Variants in FMNL2 observed in about 807,000 individuals in gnomAD.
The protein encoded by FMNL2 is formin-like protein 2.
Under a neutral mutation model 130.2 loss-of-function variants are expected in FMNL2, and 51 were observed. The observed-to-expected ratio is 0.39, with a 90% CI of 0.31 to 0.49. FMNL2 has a LOEUF of 0.49. FMNL2 is among the 20% of genes least tolerant of loss of function. The pLI, the probability that FMNL2 is intolerant of heterozygous loss-of-function variation, is 0.85. For synonymous variants in FMNL2, 465 were observed against 467.1 expected, an observed-to-expected ratio of 1.00 and a Z score of 0.06; for missense variants, 977 against 1,316.2, an observed-to-expected ratio of 0.74 and a Z score of 3.99.
chr2:152,526,456 C>G (rs1170337301), intron 2 of FMNL2, among the ~76,000 whole-genome samples: 1 of 152,164 alleles, frequency 6.6e-6, no homozygotes, highest in Admixed American at 6.5e-5. Flanking sequence ...AAGTTCCAGG[C>G]TTTGATTCTA....
intron 7 of FMNL2, among the ~76,000 whole-genome samples, chr2:152,577,830 G>A (rs536680202): frequency 2.0e-5 from 3 of 152,168 alleles, no homozygotes; most frequent in Non-Finnish European, 4.4e-5. Flanking sequence ...AGAATGAGCA[G>A]GAAGTGAGGA....
At chr2:152,376,968 C>T (rs1222560467) in intron 1 of FMNL2, among the ~76,000 whole-genome samples, 1 of 152,184 alleles carries the variant, frequency 6.6e-6, no homozygotes, top group African/African-American at 2.4e-5. Context: ...GTGAAGGGTT[C>T]ACCTGGAAGG....
chr2:152,427,090 A>G (rs1170307465), intron 1 of FMNL2, among the ~76,000 whole-genome samples: 1 of 152,030 alleles, frequency 6.6e-6, no homozygotes, highest in African/African-American at 2.4e-5. Flanking sequence ...TGTTTCTCCT[A>G]CTCTGATGTT....
chr2:152,580,825 CTG>C (rs1696738612), intron 8 of FMNL2, 129 bp from the exon 9 acceptor site: 3 of 763,614 alleles, frequency 3.9e-6, no homozygotes, highest in South Asian at 1.8e-5. Context: ...TTTGATTAAA[CTG>C]TACCTTAGTA....
At chr2:152,411,875 T>C (rs1180813107) in intron 1 of FMNL2, among the ~76,000 whole-genome samples, 3 of 152,204 alleles carry the variant, frequency 2.0e-5, no homozygotes, top group African/African-American at 4.8e-5. Flanking sequence ...TTTGAGGTTA[T>C]AGCTAATTCT....
At chr2:152,357,715 TAAG>T (rs1287195286) in intron 1 of FMNL2, among the ~76,000 whole-genome samples, 2 of 152,114 alleles carry the variant, frequency 1.3e-5, no homozygotes, top group African/African-American at 2.4e-5. Flanking sequence ...TAAAAATAAA[TAAG>T]AAACATACAT....
At chr2:152,427,827 T>C (rs981903199) in intron 1 of FMNL2, among the ~76,000 whole-genome samples, 5 of 152,154 alleles carry the variant, frequency 3.3e-5, no homozygotes, top group Admixed American at 3.3e-4. Context: ...GGATTAGATA[T>C]ATGGATTGTA....
At chr2:152,379,197 C>T (rs1264613928) in intron 1 of FMNL2, among the ~76,000 whole-genome samples, 2 of 152,220 alleles carry the variant, frequency 1.3e-5, no homozygotes, top group East Asian at 3.9e-4. Context: ...GTGTACTAGG[C>T]AGGTGCCATT....
intron 4 of FMNL2, among the ~76,000 whole-genome samples, chr2:152,549,848 C>T (rs899526151): frequency 8.5e-5 from 13 of 152,276 alleles, no homozygotes; most frequent in East Asian, 3.9e-4. Context: ...AAAGCACCTG[C>T]GTAACATTGG....
chr2:152,472,370 A>G (rs981537220), intron 1 of FMNL2, among the ~76,000 whole-genome samples: 2 of 152,162 alleles, frequency 1.3e-5, no homozygotes, highest in African/African-American at 4.8e-5. Context: ...CCACAACCCT[A>G]TGTTAATATT....
At chr2:152,539,696 T>TA (rs755661133) in intron 2 of FMNL2, among the ~76,000 whole-genome samples, 6 of 152,158 alleles carry the variant, frequency 3.9e-5, no homozygotes, top group Non-Finnish European at 8.8e-5. Context: ...CCTAAGGAAA[T>TA]ATAGTCCAGT....
At chr2:152,475,801 G>T (rs1051427983) in intron 1 of FMNL2, among the ~76,000 whole-genome samples, 1 of 152,110 alleles carries the variant, frequency 6.6e-6, no homozygotes, top group African/African-American at 2.4e-5. Context: ...GCCTGGCCAA[G>T]AATAGATTTT....
Position 152,511,894 on chromosome 2 carries a change from T to C in FMNL2, c.118-10049T>C, listed in dbSNP as rs144508757. ...GCTTTCTTGTGGTAGAATCTTGATA[T>C]CTAATATGTTACAATTTGAGTTTGG... On this transcript the variant is annotated intron_variant, in intron 1 of 25. Transcript: ENST00000288670. 7.0e-3 allele frequency among the ~76,000 whole-genome samples: 1,059 copies of C among 152,280 alleles called. 15 individuals are homozygous for C. The highest frequency in any genetic ancestry group is 0.024 in the African/African-American group (1,015 of 41,546).
chr2:152,627,941 G>T (rs895708980), intron 17 of FMNL2, among the ~76,000 whole-genome samples: 1 of 152,208 alleles, frequency 6.6e-6, no homozygotes, highest in African/African-American at 2.4e-5. Context: ...TGTCAACTAT[G>T]TGCTTGAACC....
intron 1 of FMNL2, among the ~76,000 whole-genome samples, chr2:152,367,669 A>G (rs968964938): frequency 8.5e-5 from 13 of 152,108 alleles, no homozygotes; most frequent in Admixed American, 7.9e-4. Context: ...TTAAAACCAC[A>G]CCTCAGGGCT....
At chr2:152,556,173 T>C (rs1463097644) in intron 4 of FMNL2, among the ~76,000 whole-genome samples, 2 of 152,180 alleles carry the variant, frequency 1.3e-5, no homozygotes, top group Admixed American at 1.3e-4. Context: ...TTTTTTCATG[T>C]CATCCATACC....
At chr2:152,342,768 T>A (rs1322058549) in intron 1 of FMNL2, among the ~76,000 whole-genome samples, 1 of 152,186 alleles carries the variant, frequency 6.6e-6, no homozygotes, top group African/African-American at 2.4e-5. Context: ...AGCTGTTAGG[T>A]TGGAGAGCTG....
intron 7 of FMNL2, among the ~76,000 whole-genome samples, chr2:152,575,530 C>A (rs543575629): frequency 2.0e-5 from 3 of 151,910 alleles, no homozygotes; most frequent in Admixed American, 6.6e-5. Flanking sequence ...CAGGATTTAA[C>A]GAGATTCTAT....
chr2:152,610,960 T>C lies in FMNL2; in HGVS notation c.952-535T>C, dbSNP rs186705798. The stretch of plus-strand genomic sequence containing the variant: ...TTCCCAACTTTTGTTACTGTATTTC[T>C]TTTTTATTATAGCCATCTGAGTGGG... On this transcript the variant is annotated intron_variant, in intron 10 of 25. Coordinates refer to ENST00000288670, the MANE Select transcript of FMNL2 (RefSeq NM_052905.4). 2.8e-3 allele frequency among the ~76,000 whole-genome samples: 427 copies of C among 152,366 alleles called. 3 individuals carry two copies. Among genetic ancestry groups the C allele is most frequent in the African/African-American group, 9.4e-3 (390 of 41,594 alleles).
Sources: gnomAD v4.1 joint callset for allele counts (sites outside exome capture counted in the v4.1 genomes callset) on GRCh38, gnomAD v4.1.1 for gene constraint, MANE v1.5 for transcripts, NCBI Gene and HGNC (gene_info 2026-07-23, HGNC 2026-07-21) for gene names.